The following RNF123 variants were observed in gnomAD, a reference collection of about 807,000 sequenced individuals.
RNF123 encodes E3 ubiquitin-protein ligase RNF123.
A neutral mutation model predicts 168.5 loss-of-function variants in RNF123; 86 were observed. The ratio of observed to expected loss-of-function variants is 0.51; its 90% CI spans 0.43 to 0.61. The LOEUF is 0.61. Among genes scored for constraint, RNF123 ranks in the 20% least tolerant of loss-of-function variants. The pLI is 0.00. For missense variants in RNF123, 1,419 were observed against 1,729.7 expected (o/e 0.82, Z 3.19); for synonymous variants, 666 against 689.1 (o/e 0.97, Z 0.52).
intron 35 of RNF123, chr3:49,718,498 C>G (rs981834081): frequency 1.2e-6 from 2 of 1,613,026 alleles, no homozygotes; most frequent in Non-Finnish European, 1.7e-6. Flanking sequence ...ATCGCGGGAT[C>G]CTGGCGCCCT....
chr3:49,712,367 C>A, intron 26 of RNF123, 112 bp from the exon 27 acceptor site: 1 of 961,914 alleles, frequency 1.0e-6, no homozygotes, highest in Non-Finnish European at 1.5e-6. Context: ...AAATCCAGGT[C>A]TCAGTTGTGC....
intron 24 of RNF123, 76 bp downstream of exon 24, chr3:49,705,755 A>G: frequency 5.0e-6 from 8 of 1,596,234 alleles, no homozygotes; most frequent in East Asian, 2.3e-5. Flanking sequence ...CTGTGTGCAC[A>G]TGGGCCCGCA....
intron 20 of RNF123, 32 bp downstream of exon 20, chr3:49,702,785 G>T: frequency 6.2e-7 from 1 of 1,613,690 alleles, no homozygotes; most frequent in Non-Finnish European, 8.5e-7. Context: ...GGTCAGTGAG[G>T]CTGGACAGAG....
At position 49,702,160 on chromosome 3, in the gene RNF123, G is replaced by A; in HGVS notation, c.1557+16G>A. On this transcript the variant is annotated intron_variant, in intron 18 of 38. Transcript: ENST00000327697. Reference sequence around the variant, plus strand: ...TGACAATGGGGTGAGTGACTCCCAGGAGCCCTGGGTGGGGCCCTGTGGGGA... The same window carrying A: ...TGACAATGGGGTGAGTGACTCCCAGAAGCCCTGGGTGGGGCCCTGTGGGGA... 1 of 1,613,836 alleles carries A rather than the reference G, an allele frequency of 6.2e-7. No individual in the cohort carries two copies. Among genetic ancestry groups the A allele is most frequent in the South Asian group, 1.1e-5 (1 of 91,048 alleles).
rs551972128 is a variant in RNF123, at chr3:49,700,024, C to T, written c.985-203C>T. The stretch of plus-strand genomic sequence containing the variant: ...ATAACATCCCAGGCCAAGGAAACTG[C>T]GTGTGCCAAGCCTTAGAGGAGCCGT... On this transcript the variant is annotated intron_variant, in intron 12 of 38. Transcript: ENST00000327697. 17 of 724,482 alleles carry T rather than the reference C, an allele frequency of 2.3e-5. No individual in the cohort carries two copies. The Admixed American group carries it at 2.8e-4, about 12-fold the overall frequency. 44.9% of individuals were successfully genotyped at this position (724,482 alleles called of 1,614,324 possible). A position where few individuals can be genotyped will look rare whatever the true frequency, so the allele number is the denominator to read the frequency against.
At chr3:49,715,475 C>T (rs1305755203) in intron 31 of RNF123, 100 bp from the exon 32 acceptor site, 1 of 1,438,120 alleles carries the variant, frequency 7.0e-7, no homozygotes, top group African/African-American at 1.4e-5. Flanking sequence ...AGCCATCTTT[C>T]TGTCCTTATA....
chr3:49,720,950 C>A, intron 37 of RNF123, 56 bp downstream of exon 37: 1 of 1,608,240 alleles, frequency 6.2e-7, no homozygotes, highest in Non-Finnish European at 8.5e-7. Context: ...TGCACTCCTA[C>A]ACAGGCACAA....
chr3:49,711,081 C>T (rs2080135999), intron 26 of RNF123, among the ~76,000 whole-genome samples: 2 of 151,990 alleles, frequency 1.3e-5, no homozygotes, highest in Admixed American at 6.6e-5. Context: ...ATTTAATTAG[C>T]GGGGCATGGT....
intron 35 of RNF123, chr3:49,719,461 G>C (rs777656665): frequency 6.2e-7 from 1 of 1,610,972 alleles, no homozygotes; most frequent in Non-Finnish European, 8.5e-7. Context: ...CACCAACCAG[G>C]TCATGGCGGC....
rs1404552626 is a variant in RNF123 at position 49,706,977 on chromosome 3, A to T, written c.2496+79A>T. 3.5e-6 allele frequency: 4 copies of T among 1,156,812 alleles called. No homozygotes were observed. In the Admixed American group the frequency reaches 5.2e-5, roughly 15 times the overall value. The allele number at this position is 1,156,812 out of a possible 1,614,324, so 71.7% of individuals were successfully genotyped here. ...TAGCAAGATTGTGCCAGGGCCCTTG[A>T]TGCCCCCACCCTCTCAGGCCTCTGG... is the stretch of plus-strand genomic sequence containing the variant. On this transcript the variant is annotated intron_variant, in intron 26 of 38. Coordinates refer to ENST00000327697, the MANE Select transcript of RNF123 (RefSeq NM_022064.5).
intron 20 of RNF123, 110 bp downstream of exon 20, chr3:49,702,863 G>C (rs998293221): frequency 1.3e-6 from 2 of 1,508,240 alleles, no homozygotes; most frequent in Admixed American, 3.5e-5. Flanking sequence ...GTGGGGAGTT[G>C]TCCCCGGCAT....
intron 26 of RNF123, among the ~76,000 whole-genome samples, chr3:49,712,116 T>C (rs1380265336): frequency 2.0e-5 from 3 of 151,934 alleles, no homozygotes; most frequent in Non-Finnish European, 4.4e-5. Flanking sequence ...TCCCAGCTAC[T>C]CGGGAGGCTG....
In RNF123 at chr3:49,700,349, G is replaced by A; in HGVS notation, c.1107G>A (p.Met369Ile). The change falls in exon 13 of 39, where the codon ATG becomes ATA. Residue 369 changes from methionine (M) to isoleucine (I), a missense_variant. By Grantham distance (10) the Met-to-Ile change is conservative. Around this residue, in one of 5 missense-constraint regions of RNF123, gnomAD observed 349 missense variants for 344.9 expected, o/e 1.01. Coordinates refer to ENST00000327697, the MANE Select transcript of RNF123 (RefSeq NM_022064.5). ...HQVLDLLWLF[M>I]EDYEVQDCLK... ...TCCTGGACCTCTTGTGGCTCTTCAT[G>A]GAGGTGAGGCTCCTGACCTCAGGCC... The A allele has an allele frequency of 6.2e-7, 1 of 1,614,182 alleles. No homozygotes were observed. Among genetic ancestry groups the A allele is most frequent in the Non-Finnish European group, 8.5e-7 (1 of 1,180,000 alleles).
At chr3:49,719,613 CT>C in intron 35 of RNF123, 1 of 664,176 alleles carries the variant, frequency 1.5e-6, no homozygotes, top group Non-Finnish European at 2.6e-6. Context: ...ACGGCCCCTA[CT>C]CTCCGGTTCC....
chr3:49,690,614 G>T (rs1559666347), intron 1 of RNF123, among the ~76,000 whole-genome samples: 2 of 152,252 alleles, frequency 1.3e-5, no homozygotes, highest in Admixed American at 6.5e-5. Flanking sequence ...TAAAAGAAGG[G>T]AGGAACCCAG....
In RNF123 at chr3:49,705,072, G is replaced by C; in HGVS notation, c.2048G>C (p.Arg683Pro). 1 of 1,611,892 alleles carries C rather than the reference G, an allele frequency of 6.2e-7. No homozygotes were observed. Among genetic ancestry groups the C allele is most frequent in the Non-Finnish European group, 8.5e-7 (1 of 1,179,192 alleles). The change falls in exon 23 of 39, where the codon CGC becomes CCC. Residue 683 changes from arginine to proline, a missense_variant. Physicochemically the swap from Arg to Pro is moderately radical, Grantham distance 103. Transcript: ENST00000327697. ...LSSPTLGRAN[R>P]FLSTAAVSLM... ...TCTCCAACTTTGGGCCGAGCCAACC[G>C]CTTCCTCAGCACAGCGGCTGTGAGC...
At chr3:49,718,936 A>G (rs1575286010) in intron 35 of RNF123, 1 of 1,613,632 alleles carries the variant, frequency 6.2e-7, no homozygotes, top group South Asian at 1.1e-5. Context: ...CAGACCGTGC[A>G]GGTGGTCGAA....
intron 15 of RNF123, among the ~76,000 whole-genome samples, chr3:49,701,027 C>T (rs1575525606): frequency 2.0e-5 from 3 of 152,392 alleles, no homozygotes; most frequent in Admixed American, 2.0e-4. Flanking sequence ...CCTGCAAGAT[C>T]TTTAAGGAGG....
intron 35 of RNF123, chr3:49,719,627 G>T: frequency 1.6e-6 from 1 of 631,126 alleles, no homozygotes; most frequent in Non-Finnish European, 2.8e-6. Flanking sequence ...CCGGTTCCCA[G>T]GTTGTGAGGC....
Sources: gnomAD v4.1 joint callset for allele counts (sites outside exome capture counted in the v4.1 genomes callset) on GRCh38, gnomAD v4.1.1 for gene constraint, gnomAD v4.1.1 regional missense constraint, MANE v1.5 for transcripts, NCBI Gene and HGNC (gene_info 2026-07-23, HGNC 2026-07-21) for gene names.